Variants in NUBPL observed in about 807,000 individuals in gnomAD.
The protein encoded by NUBPL is iron-sulfur cluster transfer protein NUBPL.
In NUBPL, 31 loss-of-function variants were observed where a neutral mutation model predicts 45.7. The ratio of observed to expected loss-of-function variants is 0.68; its 90% CI spans 0.51 to 0.92. The LOEUF (loss-of-function observed/expected upper bound fraction) is 0.92. NUBPL is among the 40% of genes least tolerant of loss of function. The probability of loss-of-function intolerance (pLI) is 0.00; values close to 1 mark genes in which losing one functional copy is unlikely to be tolerated. For synonymous variants in NUBPL, 144 were observed against 140.9 expected (o/e 1.02, Z -0.15); for missense variants, 401 against 398.7 (o/e 1.01, Z -0.05).
intron 6 of NUBPL, among the ~76,000 whole-genome samples, chr14:31,761,467 G>T (rs147307346): frequency 3.9e-5 from 6 of 152,132 alleles, no homozygotes; most frequent in Admixed American, 3.9e-4. Context: ...GAGTGAAGGC[G>T]TCCCACCCCT....
intron 7 of NUBPL, among the ~76,000 whole-genome samples, chr14:31,812,460 C>T (rs994801644): frequency 6.6e-6 from 1 of 152,234 alleles, no homozygotes; most frequent in Non-Finnish European, 1.5e-5. Flanking sequence ...GATGTAATCT[C>T]CTGGTGTGTA....
chr14:31,725,729 G>C (rs75977736), intron 6 of NUBPL, among the ~76,000 whole-genome samples: 1 of 12,490 alleles, frequency 8.0e-5, no homozygotes, highest in Non-Finnish European at 1.7e-4. Flanking sequence ...TTTTTTTTTT[G>C]ACTTGAGTCT....
At chr14:31,813,515 A>G (rs575195535) in intron 7 of NUBPL, among the ~76,000 whole-genome samples, 1 of 151,346 alleles carries the variant, frequency 6.6e-6, no homozygotes, top group East Asian at 1.9e-4. Flanking sequence ...AGATATATAT[A>G]TATACACACA....
chr14:31,716,527 A>G (rs2037692278), intron 6 of NUBPL, among the ~76,000 whole-genome samples: 2 of 152,204 alleles, frequency 1.3e-5, no homozygotes, highest in South Asian at 4.1e-4. Flanking sequence ...CAGCTCCATT[A>G]TAATCTTAAG....
At chr14:31,824,681 A>C (rs1197621159) in intron 7 of NUBPL, among the ~76,000 whole-genome samples, 1 of 152,034 alleles carries the variant, frequency 6.6e-6, no homozygotes, top group East Asian at 1.9e-4. Flanking sequence ...ACTTTTCTCT[A>C]TTTGAACTTC....
At chr14:31,623,461 T>C (rs2035121581) in intron 4 of NUBPL, among the ~76,000 whole-genome samples, 1 of 152,170 alleles carries the variant, frequency 6.6e-6, no homozygotes, top group South Asian at 2.1e-4. Flanking sequence ...TATTGTTTGG[T>C]TCAGTGTCCC....
At chr14:31,626,919 G>A (rs1240921447) in intron 4 of NUBPL, among the ~76,000 whole-genome samples, 2 of 147,778 alleles carry the variant, frequency 1.4e-5, no homozygotes, top group African/African-American at 4.9e-5. Context: ...AGGGACATTG[G>A]TTCCCAAACA....
chr14:31,787,993 A>G, intron 7 of NUBPL, 120 bp downstream of exon 7: 1 of 675,912 alleles, frequency 1.5e-6, no homozygotes, highest in Non-Finnish European at 2.6e-6. Context: ...TCACTTATAA[A>G]TTTTTCATTA....
rs139056930 is a variant in NUBPL at position 31,594,005 on chromosome 14, G to A, written c.292-5284G>A. Among the ~76,000 whole-genome samples the A allele has an allele frequency of 2.4e-4, 37 of 152,226 alleles. No individual in the cohort carries two copies. The Middle Eastern group carries it at 0.01, about 42-fold the overall frequency. The stretch of plus-strand genomic sequence containing the variant: ...TCATGATACACTGGAGAGAGACTTG[G>A]GATCCTAGGCCCAGGAATGGCATTA... On this transcript the variant is annotated intron_variant, in intron 3 of 10. Coordinates refer to ENST00000281081, the MANE Select transcript of NUBPL (RefSeq NM_025152.3).
At chr14:31,628,650 C>T (rs192788877) in intron 4 of NUBPL, among the ~76,000 whole-genome samples, 3 of 151,926 alleles carry the variant, frequency 2.0e-5, no homozygotes, top group Non-Finnish European at 2.9e-5. Flanking sequence ...ATCCTTTTGT[C>T]TTCCAAGTAA....
intron 6 of NUBPL, among the ~76,000 whole-genome samples, chr14:31,710,773 C>T (rs1469642360): frequency 6.6e-6 from 1 of 152,178 alleles, no homozygotes; most frequent in Non-Finnish European, 1.5e-5. Context: ...GATACAATTT[C>T]TGAGGCTCCC....
At chr14:31,568,196 G>A (rs2033488742) in intron 3 of NUBPL, among the ~76,000 whole-genome samples, 1 of 152,144 alleles carries the variant, frequency 6.6e-6, no homozygotes, top group South Asian at 2.1e-4. Context: ...AAATTCAATG[G>A]ATGGGAAGGT....
chr14:31,816,834 G>A (rs2039927934), intron 7 of NUBPL, among the ~76,000 whole-genome samples: 1 of 152,054 alleles, frequency 6.6e-6, no homozygotes, highest in African/African-American at 2.4e-5. Flanking sequence ...ATGTAGTTGT[G>A]TGGTTTTGAG....
At chr14:31,805,799 T>C (rs1270842758) in intron 7 of NUBPL, among the ~76,000 whole-genome samples, 2 of 148,562 alleles carry the variant, frequency 1.3e-5, no homozygotes, top group Non-Finnish European at 2.9e-5. Flanking sequence ...AAAGTAACTA[T>C]TGGGTATTAG....
chr14:31,628,000 T>G (rs1339539658), intron 4 of NUBPL, among the ~76,000 whole-genome samples: 1 of 152,224 alleles, frequency 6.6e-6, no homozygotes, highest in Non-Finnish European at 1.5e-5. Context: ...TATTTTAACA[T>G]CTTGCTTAAT....
At chr14:31,617,983 C>T (rs1485975697) in intron 4 of NUBPL, among the ~76,000 whole-genome samples, 1 of 152,122 alleles carries the variant, frequency 6.6e-6, no homozygotes. Flanking sequence ...AGGGATTTGA[C>T]TTCTTCCTGG....
chr14:31,724,975 C>A (rs985357678), intron 6 of NUBPL, among the ~76,000 whole-genome samples: 4 of 151,166 alleles, frequency 2.6e-5, no homozygotes, highest in Non-Finnish European at 4.4e-5. Context: ...ATGAAGGGAA[C>A]AAGTGCACAA....
At chr14:31,681,916 G>A (rs762745980) in intron 6 of NUBPL, among the ~76,000 whole-genome samples, 3 of 152,024 alleles carry the variant, frequency 2.0e-5, no homozygotes, top group Admixed American at 6.5e-5. Context: ...GTGTTAAAAT[G>A]TTTTGAGATT....
At position 31,754,412 on chromosome 14, in the gene NUBPL, C is replaced by T. The variant is rs116793686; in HGVS notation, c.514-33368C>T. ...ACTAATTTGTAGGTAATACATGAAA[C>T]AGAGAAACATGGTAAGTGAAACTAT... is the stretch of plus-strand genomic sequence containing the variant. On this transcript the variant is annotated intron_variant, in intron 6 of 10. Transcript: ENST00000281081. Among the ~76,000 whole-genome samples the T allele has an allele frequency of 6.6e-3, 996 of 151,928 alleles. 11 individuals are homozygous for T. Among genetic ancestry groups the T allele is most frequent in the African/African-American group, 0.023 (933 of 41,428 alleles).
Sources: allele counts gnomAD v4.1 joint callset (sites outside exome capture counted in the v4.1 genomes callset), GRCh38; gene constraint gnomAD v4.1.1; transcripts MANE v1.5; gene names NCBI Gene and HGNC (gene_info 2026-07-23, HGNC 2026-07-21).